Variants in MCF2L2 observed in about 807,000 individuals in gnomAD.
MCF2L2 encodes MCF.2 cell line derived transforming sequence-like 2.
Under a neutral mutation model 150.2 loss-of-function variants are expected in MCF2L2, and 102 were observed. That is an observed-to-expected ratio of 0.68 (90% CI 0.58 to 0.80). The LOEUF (loss-of-function observed/expected upper bound fraction) is 0.80. Among genes scored for constraint, MCF2L2 ranks in the 30% least tolerant of loss-of-function variants. The pLI is 0.00. For synonymous variants in MCF2L2, 465 were observed against 491.3 expected, an observed-to-expected ratio of 0.95 and a Z score of 0.71; for missense variants, 1,256 against 1,372.8, an observed-to-expected ratio of 0.91 and a Z score of 1.34.
chr3:183,269,230 CT>C lies in MCF2L2; in HGVS notation c.1862+7641del, dbSNP rs60835895. Among the ~76,000 whole-genome samples, 753 of 80,990 alleles carry C rather than the reference CT, an allele frequency of 9.3e-3. 27 individuals are homozygous for C. The highest frequency in any genetic ancestry group is 0.015 in the Middle Eastern group (2 of 130). The allele number at this position is 80,990 out of a possible 152,430, so 53.1% of individuals were successfully genotyped here. On this transcript the variant is annotated intron_variant, in intron 15 of 29. Coordinates refer to ENST00000328913, the MANE Select transcript of MCF2L2 (RefSeq NM_015078.4). The stretch of plus-strand genomic sequence containing the variant: ...TACACGATTATAGCCGTTTGGGAAG[CT>C]TTTTTTTTTTTTTTTTTAAGAGTAG...
intron 16 of MCF2L2, 31 bp downstream of exon 16, chr3:183,230,920 G>A: frequency 6.5e-7 from 1 of 1,533,830 alleles, no homozygotes; most frequent in Non-Finnish European, 9.0e-7. Flanking sequence ...TTGAATATAT[G>A]CTTGATACCC....
intron 15 of MCF2L2, among the ~76,000 whole-genome samples, chr3:183,238,769 A>C (rs1295805948): frequency 1.3e-5 from 2 of 150,928 alleles, no homozygotes; most frequent in Non-Finnish European, 3.0e-5. Flanking sequence ...AGGCCGAGGC[A>C]GGCGGATCAC....
At chr3:183,426,616 C>T (rs566650558) in intron 1 of MCF2L2, among the ~76,000 whole-genome samples, 153 of 152,376 alleles carry the variant, frequency 1.0e-3, no homozygotes, top group Non-Finnish European at 1.8e-3. Context: ...TTTCTCTATA[C>T]CACAACTTCA....
chr3:183,365,937 G>A (rs894932409), intron 3 of MCF2L2, among the ~76,000 whole-genome samples: 7 of 151,422 alleles, frequency 4.6e-5, no homozygotes, highest in African/African-American at 2.4e-5. Flanking sequence ...ATAGAATAAC[G>A]CAAAAACATG....
At chr3:183,415,138 T>A (rs1715521032) in intron 1 of MCF2L2, among the ~76,000 whole-genome samples, 1 of 152,220 alleles carries the variant, frequency 6.6e-6, no homozygotes, top group Non-Finnish European at 1.5e-5. Flanking sequence ...TACACATTAC[T>A]GAAAGTGACA....
At chr3:183,217,027 C>T (rs1300388691) in intron 21 of MCF2L2, among the ~76,000 whole-genome samples, 1 of 151,364 alleles carries the variant, frequency 6.6e-6, no homozygotes, top group Non-Finnish European at 1.5e-5. Flanking sequence ...GGGCGGGTGG[C>T]TCATGCCTGT....
At chr3:183,295,249 G>A (rs1199417593) in intron 13 of MCF2L2, 51 bp downstream of exon 13, 1 of 1,540,372 alleles carries the variant, frequency 6.5e-7, no homozygotes, top group South Asian at 1.2e-5. Context: ...AGTCCTCATG[G>A]TGCTGATGAA....
intron 3 of MCF2L2, among the ~76,000 whole-genome samples, chr3:183,355,471 G>A (rs538226122): frequency 3.3e-5 from 5 of 150,156 alleles, no homozygotes; most frequent in South Asian, 2.1e-4. Flanking sequence ...TTTTTGAGAC[G>A]GAGTCTCGCT....
intron 1 of MCF2L2, among the ~76,000 whole-genome samples, chr3:183,393,770 CTG>C (rs1714295838): frequency 1.3e-5 from 2 of 152,244 alleles, no homozygotes; most frequent in South Asian, 4.1e-4. Context: ...AGCAATATCC[CTG>C]TGTTGCCCAC....
intron 22 of MCF2L2, among the ~76,000 whole-genome samples, chr3:183,213,127 AG>A (rs1447428619): frequency 1.3e-5 from 2 of 152,022 alleles, no homozygotes; most frequent in Non-Finnish European, 2.9e-5. Context: ...TACATCCTTT[AG>A]TGGTTTATAT....
Position 183,226,894 on chromosome 3 carries a change from T to A in MCF2L2, c.2115+1403A>T, listed in dbSNP as rs536820535. The A allele has an allele frequency of 3.3e-5, 5 of 152,332 alleles. No homozygotes were observed. The East Asian group carries it at 9.6e-4, about 29-fold the overall frequency. 9.4% of individuals were successfully genotyped at this position (152,332 alleles called of 1,614,324 possible). On this transcript the variant is annotated intron_variant, in intron 18 of 29. Transcript: ENST00000328913. ...AGTATAAAATAGTTTTCAGTGTACA[T>A]TGAATTCTGGTGCTTTGACACAAAG...
chr3:183,206,647 G>A (rs1030234605), intron 23 of MCF2L2, among the ~76,000 whole-genome samples: 28 of 152,100 alleles, frequency 1.8e-4, no homozygotes, highest in African/African-American at 4.6e-4. Flanking sequence ...CTAGGTGGGC[G>A]GATCACCTGA....
intron 1 of MCF2L2, among the ~76,000 whole-genome samples, chr3:183,391,901 T>C (rs1228617372): frequency 1.3e-5 from 2 of 152,140 alleles, no homozygotes; most frequent in Admixed American, 6.5e-5. Flanking sequence ...ATTTCTCTTT[T>C]TTAAGATATA....
At chr3:183,180,610 C>T (rs535802471) in intron 27 of MCF2L2, among the ~76,000 whole-genome samples, 1 of 152,352 alleles carries the variant, frequency 6.6e-6, no homozygotes, top group South Asian at 2.1e-4. Flanking sequence ...GAGGAACAAG[C>T]AAGTGCATCC....
At chr3:183,256,853 C>T (rs559874809) in intron 15 of MCF2L2, among the ~76,000 whole-genome samples, 4 of 130,394 alleles carry the variant, frequency 3.1e-5, no homozygotes, top group Non-Finnish European at 4.5e-5. Flanking sequence ...AACGGAAGAC[C>T]GTTATTCCAT....
rs535503611 is a variant in MCF2L2, at chr3:183,305,625, C to T, written c.1113+4091G>A. On this transcript the variant is annotated intron_variant, in intron 10 of 29. Transcript: ENST00000328913. This position sits in a 1 kb window ranked among gnomAD's most constrained non-coding sequence, Gnocchi z 4.1. ...CAGCACTTTGGGAAGCCAAGGCCGG[C>T]GGATCACAAGGTCAGGAGTTAGAGA... Among the ~76,000 whole-genome samples, 2 of 152,128 alleles carry T rather than the reference C, an allele frequency of 1.3e-5. No homozygotes were observed. The highest frequency in any genetic ancestry group is 4.8e-5 in the African/African-American group (2 of 41,432).
At chr3:183,355,613 ATTTTTTTTTT>A (rs71185653) in intron 3 of MCF2L2, among the ~76,000 whole-genome samples, 2 of 84,454 alleles carry the variant, frequency 2.4e-5, no homozygotes, top group African/African-American at 1.1e-4. Flanking sequence ...CGCCCAGCTA[ATTTTTTTTTT>A]TTTTTTTTTT....
chr3:183,207,562 C>T (rs1331318860), intron 23 of MCF2L2, 46 bp downstream of exon 23: 3 of 1,445,340 alleles, frequency 2.1e-6, no homozygotes, highest in Non-Finnish European at 2.9e-6. Context: ...CGATCTCTCT[C>T]TTTTCTGCAT....
At chr3:183,292,384 G>A (rs892143576) in intron 13 of MCF2L2, among the ~76,000 whole-genome samples, 8 of 151,904 alleles carry the variant, frequency 5.3e-5, no homozygotes, top group African/African-American at 9.7e-5. Flanking sequence ...GCAAGACCCC[G>A]TTCTCCACAA....
Sources: allele counts gnomAD v4.1 joint callset (sites outside exome capture counted in the v4.1 genomes callset), GRCh38; gene constraint gnomAD v4.1.1; non-coding constraint Gnocchi (gnomAD v3.1); transcripts MANE v1.5; gene names NCBI Gene and HGNC (gene_info 2026-07-23, HGNC 2026-07-21).